Variants in ELAPOR2 observed in about 807,000 individuals in gnomAD.
ELAPOR2 encodes endosome-lysosome associated apoptosis and autophagy regulator family member 2.
ELAPOR2 carries 89 observed loss-of-function variants against 120.7 expected under a neutral mutation model. The ratio of observed to expected loss-of-function variants is 0.74; its 90% CI spans 0.62 to 0.88. ELAPOR2 has a LOEUF of 0.88. ELAPOR2 is among the 40% of genes least tolerant of loss of function. The probability of loss-of-function intolerance (pLI) is 0.00; values close to 1 mark genes in which losing one functional copy is unlikely to be tolerated. For synonymous variants in ELAPOR2, 444 were observed against 444.9 expected, an observed-to-expected ratio of 1.00 and a Z score of 0.03; for missense variants, 1,134 against 1,251.6, an observed-to-expected ratio of 0.91 and a Z score of 1.42.
rs970959847 is a variant in ELAPOR2 at position 86,910,143 on chromosome 7, A to C, written c.2170-142T>G. On this transcript the variant is annotated intron_variant, in intron 15 of 21. Transcript: ENST00000450689. ...ATTTAGTTGATCTGGTATGAGGCCT[A>C]GCCACCCATCAGTACTTTTTAAAAG... 3.2e-5 allele frequency: 20 copies of C among 617,872 alleles called. No individual in the cohort carries two copies. In the African/African-American group the frequency reaches 3.7e-4, roughly 12 times the overall value. 38.3% of individuals were successfully genotyped at this position (617,872 alleles called of 1,614,324 possible).
intron 1 of ELAPOR2, among the ~76,000 whole-genome samples, chr7:87,013,924 C>CATTCCCAGCTGAGACCAACAGGTG (rs1266788339): frequency 6.6e-6 from 1 of 152,018 alleles, no homozygotes; most frequent in Non-Finnish European, 1.5e-5. Context: ...CTGACACACA[C>CATTCCCAGCTGAGACCAACAGGTG]ATTCCCAGCT....
At chr7:86,942,145 T>C in intron 4 of ELAPOR2, 41 bp from the exon 5 acceptor site, 2 of 1,155,200 alleles carry the variant, frequency 1.7e-6, no homozygotes, top group Non-Finnish European at 2.5e-6. Flanking sequence ...GTGTCTTGAA[T>C]AACAGCTTTA....
chr7:86,889,214 A>T (rs1314355285), intron 21 of ELAPOR2, among the ~76,000 whole-genome samples: 2 of 152,086 alleles, frequency 1.3e-5, no homozygotes, highest in Non-Finnish European at 2.9e-5. Flanking sequence ...TTGAGAACCA[A>T]GACAAAGTCT....
chr7:86,920,995 C>T (rs1300864234), intron 10 of ELAPOR2: 1 of 152,048 alleles, frequency 6.6e-6, no homozygotes. Context: ...TAGGTAAATT[C>T]CCCTAATAAA....
chr7:87,046,477 C>A (rs1794961854), intron 1 of ELAPOR2, among the ~76,000 whole-genome samples: 1 of 152,114 alleles, frequency 6.6e-6, no homozygotes, highest in African/African-American at 2.4e-5. Context: ...ACAAAAGACC[C>A]CGAATAGCCA....
chr7:86,929,275 C>T (rs903068207), intron 8 of ELAPOR2, among the ~76,000 whole-genome samples: 6 of 151,948 alleles, frequency 3.9e-5, no homozygotes, highest in Non-Finnish European at 8.8e-5. Flanking sequence ...TGATTTATTT[C>T]AGTTGTCACT....
At chr7:86,889,316 C>T (rs568515443) in intron 21 of ELAPOR2, among the ~76,000 whole-genome samples, 75 of 152,102 alleles carry the variant, frequency 4.9e-4, no homozygotes, top group Non-Finnish European at 7.2e-4. Context: ...AGGATAGTAA[C>T]CACTTGATTG....
chr7:86,897,695 C>T (rs529259169), intron 18 of ELAPOR2, 63 bp from the exon 19 acceptor site: 4 of 1,577,674 alleles, frequency 2.5e-6, no homozygotes, highest in Non-Finnish European at 3.5e-6. Flanking sequence ...TCAATCCACT[C>T]TAATCAACAC....
At chr7:86,981,558 G>T (rs540473233) in intron 1 of ELAPOR2, among the ~76,000 whole-genome samples, 1 of 152,148 alleles carries the variant, frequency 6.6e-6, no homozygotes, top group Non-Finnish European at 1.5e-5. Context: ...TGTCTTGGAG[G>T]ATCTTACATG....
chr7:86,986,945 G>A (rs7385488), intron 1 of ELAPOR2, among the ~76,000 whole-genome samples: 56,483 of 149,516 alleles, frequency 0.38, 11,449 homozygotes, highest in African/African-American at 0.53. Flanking sequence ...ACTTCAAACT[G>A]TACTACAAGG....
intron 1 of ELAPOR2, among the ~76,000 whole-genome samples, chr7:86,984,318 G>A (rs1160350381): frequency 6.6e-6 from 1 of 152,164 alleles, no homozygotes; most frequent in Non-Finnish European, 1.5e-5. Context: ...CTTCAACTCA[G>A]CTCTGCACCA....
intron 1 of ELAPOR2, among the ~76,000 whole-genome samples, chr7:87,058,902 G>A (rs1795346287): frequency 1.3e-5 from 2 of 152,098 alleles, no homozygotes; most frequent in Admixed American, 1.3e-4. Context: ...AGTGGAGACA[G>A]GGGGAGGAGG....
intron 21 of ELAPOR2, among the ~76,000 whole-genome samples, chr7:86,881,137 TTAAAA>T (rs898719416): frequency 1.3e-5 from 2 of 152,166 alleles, no homozygotes; most frequent in African/African-American, 4.8e-5. Flanking sequence ...ATGTAGACTA[TTAAAA>T]TAAATTAGTT....
chr7:86,911,961 C>G (rs1789332666), intron 15 of ELAPOR2, 111 bp downstream of exon 15: 5 of 1,140,380 alleles, frequency 4.4e-6, no homozygotes, highest in East Asian at 4.8e-5. Flanking sequence ...ACCTCAGTTT[C>G]TGACACTTGG....
At chr7:86,904,926 C>T (rs767024625) in intron 18 of ELAPOR2, among the ~76,000 whole-genome samples, 2 of 152,066 alleles carry the variant, frequency 1.3e-5, no homozygotes, top group Non-Finnish European at 2.9e-5. Context: ...AAGTCTCCTT[C>T]TGAGACTTTT....
chr7:86,912,746 G>A (rs1465217376), intron 14 of ELAPOR2, among the ~76,000 whole-genome samples, 195 bp downstream of exon 14: 2 of 152,186 alleles, frequency 1.3e-5, no homozygotes, highest in African/African-American at 4.8e-5. Flanking sequence ...TATGTCACCA[G>A]TAACTAGTAC....
chr7:86,955,342 A>AT (rs902270245), intron 2 of ELAPOR2, among the ~76,000 whole-genome samples: 9 of 152,138 alleles, frequency 5.9e-5, no homozygotes, highest in Admixed American at 2.0e-4. Context: ...AGTAAAGCAG[A>AT]TTTTTTCCCC....
At chr7:86,977,013 A>G (rs1259929204) in intron 1 of ELAPOR2, among the ~76,000 whole-genome samples, 2 of 152,194 alleles carry the variant, frequency 1.3e-5, no homozygotes, top group Non-Finnish European at 2.9e-5. Flanking sequence ...CACTGCAACT[A>G]TGGGTGCTAA....
At chr7:86,904,563 TA>T (rs1788880039) in intron 18 of ELAPOR2, among the ~76,000 whole-genome samples, 1 of 152,196 alleles carries the variant, frequency 6.6e-6, no homozygotes, top group African/African-American at 2.4e-5. Context: ...AAATGTTTCA[TA>T]CCCTCCAGAC....
Sources: gnomAD v4.1 joint callset for allele counts (sites outside exome capture counted in the v4.1 genomes callset) on GRCh38, gnomAD v4.1.1 for gene constraint, MANE v1.5 for transcripts, NCBI Gene and HGNC (gene_info 2026-07-23, HGNC 2026-07-21) for gene names.